APBA2: variants seen among roughly 807,000 people sequenced by gnomAD.
APBA2 encodes amyloid beta precursor protein binding family A member 2.
A neutral mutation model predicts 75.0 loss-of-function variants in APBA2; 30 were observed. That is an observed-to-expected ratio of 0.40 (90% CI 0.30 to 0.54). The LOEUF is 0.54. Among genes scored for constraint, APBA2 ranks in the 20% least tolerant of loss-of-function variants. The pLI is 0.49. For synonymous variants in APBA2, 444 were observed against 409.6 expected, an observed-to-expected ratio of 1.08 and a Z score of -1.01; for missense variants, 801 against 1,016.1, an observed-to-expected ratio of 0.79 and a Z score of 2.88.
chr15:29,028,289 A>G (rs1359735914), intron 3 of APBA2, among the ~76,000 whole-genome samples: 1 of 152,082 alleles, frequency 6.6e-6, no homozygotes, highest in Admixed American at 6.6e-5. Context: ...TGCTGAGGAT[A>G]ATGGCTTCCA....
chr15:28,997,376 T>C (rs1316072440), intron 3 of APBA2, among the ~76,000 whole-genome samples: 14 of 152,224 alleles, frequency 9.2e-5, no homozygotes, highest in Non-Finnish European at 7.3e-5. Context: ...GAATGTACTT[T>C]TGTGCTCTCA....
At chr15:29,083,446 T>G (rs2043164690) in intron 6 of APBA2, among the ~76,000 whole-genome samples, 1 of 152,192 alleles carries the variant, frequency 6.6e-6, no homozygotes, top group Admixed American at 6.5e-5. Context: ...CATTTCAGAT[T>G]TTTTTCCTAG....
At chr15:29,024,882 C>G (rs2040137131) in intron 3 of APBA2, among the ~76,000 whole-genome samples, 1 of 152,124 alleles carries the variant, frequency 6.6e-6, no homozygotes, top group Admixed American at 6.6e-5. Context: ...CGGATGGAAG[C>G]AGGAGATGGC....
chr15:29,000,005 A>G (rs1051334965), intron 3 of APBA2, among the ~76,000 whole-genome samples: 1 of 151,994 alleles, frequency 6.6e-6, no homozygotes. Flanking sequence ...AGTGAATTCA[A>G]CCCTCCTCTG....
chr15:29,053,852 C>T lies in APBA2; in HGVS notation c.-33C>T, dbSNP rs2041729044. The T allele has an allele frequency of 6.9e-6, 11 of 1,592,950 alleles. No homozygotes were observed. The highest frequency in any genetic ancestry group is 9.4e-6 in the Non-Finnish European group (11 of 1,165,644). ...CAATGTTCCTCCCCACAGTGGCTGC[C>T]TCCGGGTGATGATGGCTGTGTGAAC... is the stretch of plus-strand genomic sequence containing the variant. On this transcript the variant is annotated 5_prime_UTR_variant, in exon 4 of 15. Transcript: ENST00000683413.
chr15:28,891,519 G>A (rs2032130225), intron 1 of APBA2, among the ~76,000 whole-genome samples: 1 of 152,198 alleles, frequency 6.6e-6, no homozygotes, highest in Non-Finnish European at 1.5e-5. Context: ...AAATGCCACA[G>A]ATGACATGGG....
chr15:29,070,844 T>A, intron 4 of APBA2: 1 of 328,692 alleles, frequency 3.0e-6, no homozygotes, highest in Non-Finnish European at 6.0e-6. Flanking sequence ...TGAGTAGGGA[T>A]GATCGCCTCT....
Position 29,027,301 on chromosome 15 carries a change from A to G in APBA2, c.-40-26544A>G, listed in dbSNP as rs537863060. Among the ~76,000 whole-genome samples the G allele has an allele frequency of 9.2e-5, 14 of 152,250 alleles. No homozygotes were observed. In the South Asian group the frequency reaches 2.9e-3, roughly 32 times the overall value. ...CTGGCCTTTATTAGGTTACCTTGTT[A>G]TTTTAAAATATCTTCTATAGCTATT... On this transcript the variant is annotated intron_variant, in intron 3 of 14. Coordinates refer to ENST00000683413, the MANE Select transcript of APBA2 (RefSeq NM_001353788.2).
chr15:29,106,490 G>T (rs559463344), intron 11 of APBA2, 117 bp from the exon 12 acceptor site: 5 of 1,190,982 alleles, frequency 4.2e-6, no homozygotes, highest in Non-Finnish European at 4.8e-6. Flanking sequence ...GCCAGCCTTG[G>T]ATCCCAGGGC....
At chr15:28,923,849 C>T (rs1163188744) in intron 2 of APBA2, among the ~76,000 whole-genome samples, 2 of 152,202 alleles carry the variant, frequency 1.3e-5, no homozygotes, top group East Asian at 3.9e-4. Flanking sequence ...TGAGGCTGGG[C>T]ATGAAAAGGC....
intron 3 of APBA2, among the ~76,000 whole-genome samples, chr15:29,015,267 T>C (rs545568676): frequency 1.3e-5 from 2 of 152,292 alleles, no homozygotes; most frequent in South Asian, 2.1e-4. Context: ...CCAGAGTGGA[T>C]GTTGTCCAGG....
chr15:29,001,583 G>A (rs978673859), intron 3 of APBA2, among the ~76,000 whole-genome samples: 4 of 152,216 alleles, frequency 2.6e-5, no homozygotes, highest in Non-Finnish European at 5.9e-5. Flanking sequence ...GGTAGATTGT[G>A]AGAATGAACC....
chr15:29,028,191 C>T (rs2040321040), intron 3 of APBA2, among the ~76,000 whole-genome samples: 1 of 152,000 alleles, frequency 6.6e-6, no homozygotes, highest in Non-Finnish European at 1.5e-5. Context: ...TTTGTTGTTC[C>T]CCTCCCTGTG....
At chr15:28,997,019 C>T (rs1365039188) in intron 3 of APBA2, among the ~76,000 whole-genome samples, 1 of 152,152 alleles carries the variant, frequency 6.6e-6, no homozygotes, top group Non-Finnish European at 1.5e-5. Context: ...TTTGAAGCCA[C>T]CCAAAAAGCC....
At chr15:29,008,750 G>C (rs942436804) in intron 3 of APBA2, among the ~76,000 whole-genome samples, 1 of 152,014 alleles carries the variant, frequency 6.6e-6, no homozygotes, top group African/African-American at 2.4e-5. Flanking sequence ...AAAGCACAGA[G>C]CCAGTCACAG....
chr15:29,078,745 G>A (rs1349784975), intron 6 of APBA2, among the ~76,000 whole-genome samples: 2 of 151,972 alleles, frequency 1.3e-5, no homozygotes, highest in South Asian at 2.1e-4. Flanking sequence ...TCACCTCATC[G>A]TCACACAGTG....
At chr15:28,947,017 A>G (rs1178031911) in intron 2 of APBA2, among the ~76,000 whole-genome samples, 1 of 152,208 alleles carries the variant, frequency 6.6e-6, no homozygotes, top group Non-Finnish European at 1.5e-5. Context: ...CCATTGCAGC[A>G]AGATTGATCA....
chr15:29,046,563 AG>A lies in APBA2; in HGVS notation c.-40-7281del, dbSNP rs1441265177. Among the ~76,000 whole-genome samples, 2 of 152,190 alleles carry A rather than the reference AG, an allele frequency of 1.3e-5. No individual in the cohort carries two copies. Among genetic ancestry groups the A allele is most frequent in the South Asian group, 4.1e-4 (2 of 4,826 alleles). The stretch of plus-strand genomic sequence containing the variant: ...CCTGGGCCGTCATCAGAGACCTGCA[AG>A]CATCTACTTAGGGCAGAGTTTTCAA... On this transcript the variant is annotated intron_variant, in intron 3 of 14. Transcript: ENST00000683413. This position sits in a 1 kb window ranked among gnomAD's most constrained non-coding sequence, Gnocchi z 5.0.
At chr15:29,075,921 C>T (rs1240570647) in intron 5 of APBA2, 134 bp from the exon 6 acceptor site, 1 of 814,400 alleles carries the variant, frequency 1.2e-6, no homozygotes, top group Non-Finnish European at 2.1e-6. Flanking sequence ...GAGCTGACAT[C>T]TTCAGAACAC....
Sources: allele counts gnomAD v4.1 joint callset (sites outside exome capture counted in the v4.1 genomes callset), GRCh38; gene constraint gnomAD v4.1.1; non-coding constraint Gnocchi (gnomAD v3.1); transcripts MANE v1.5; gene names NCBI Gene and HGNC (gene_info 2026-07-23, HGNC 2026-07-21).